Variants in CALD1 observed in about 807,000 individuals in gnomAD.
The protein encoded by CALD1 is caldesmon.
A neutral mutation model predicts 99.9 loss-of-function variants in CALD1; 33 were observed. That is an observed-to-expected ratio of 0.33 (90% CI 0.25 to 0.44). The LOEUF (loss-of-function observed/expected upper bound fraction) is 0.44. CALD1 is among the 20% of genes least tolerant of loss of function. The pLI is 1.00. For synonymous variants in CALD1, 310 were observed against 325.0 expected (o/e 0.95, Z 0.50); for missense variants, 861 against 962.1 (o/e 0.89, Z 1.39).
At chr7:134,762,160 A>C (rs1356436182) in intron 1 of CALD1, among the ~76,000 whole-genome samples, 3 of 152,252 alleles carry the variant, frequency 2.0e-5, no homozygotes, top group Non-Finnish European at 4.4e-5. Context: ...GCATTGAGGA[A>C]GAAGGCTGGT....
chr7:134,770,698 C>T (rs10237194), intron 1 of CALD1, among the ~76,000 whole-genome samples: 205 of 152,228 alleles, frequency 1.3e-3, no homozygotes, highest in African/African-American at 4.8e-3. Flanking sequence ...ACCCTATTTC[C>T]AAATAAGGTC....
the CALD1 span, chr7:134,735,021 C>T: frequency 4.0e-6 from 1 of 251,672 alleles, no homozygotes; most frequent in East Asian, 9.9e-5. Context: ...TGAACTCCAT[C>T]TCGTCCATGC....
intron 3 of CALD1, chr7:134,920,482 T>G (rs766177833): frequency 4.6e-4 from 511 of 1,106,792 alleles, no homozygotes; most frequent in Non-Finnish European, 5.4e-4. Context: ...AGTCATCCTT[T>G]TTTGAGGCTG....
chr7:134,947,561 A>G lies in CALD1; in HGVS notation c.1586A>G (p.Gln529Arg). Residue 529 changes from glutamine (Q) to arginine (R), a missense_variant, in exon 8 of 15, where the codon CAG (glutamine) becomes CGG (arginine). Gln to Arg is a conservative substitution (Grantham distance 43). This residue lies in a region of CALD1 where 293 missense variants were observed against 262.7 expected (regional missense o/e 1.12). Coordinates refer to ENST00000361675, the MANE Select transcript of CALD1 (RefSeq NM_033138.4). ...ACCAAGGAGGCTGAGGGCGCCCCCC[A>G]GGTGGAAGCCGGCAAAAGGCTGGAG... The part of the protein sequence containing the change: ...VDTKEAEGAP[Q>R]VEAGKRLEEL... The G allele has an allele frequency of 6.4e-7, 1 of 1,562,956 alleles. No homozygotes were observed. Among genetic ancestry groups the G allele is most frequent in the Non-Finnish European group, 8.7e-7 (1 of 1,153,246 alleles).
chr7:134,919,012 T>A (rs1804424451), intron 3 of CALD1, among the ~76,000 whole-genome samples: 1 of 152,066 alleles, frequency 6.6e-6, no homozygotes, highest in Non-Finnish European at 1.5e-5. Context: ...AGTAAATAAA[T>A]TAATAATAGT....
intron 3 of CALD1, among the ~76,000 whole-genome samples, chr7:134,868,733 C>T (rs566975557): frequency 1.3e-5 from 2 of 152,302 alleles, no homozygotes; most frequent in South Asian, 4.2e-4. Flanking sequence ...CTATGATGAA[C>T]TGGGCCAGAG....
chr7:134,723,534 CTTTTTTTTTTTTTTT>C, the CALD1 span, among the ~76,000 whole-genome samples: 6 of 87,670 alleles, frequency 6.8e-5, no homozygotes, highest in African/African-American at 1.9e-4. Context: ...GAAAAGGTAA[CTTTTTTTTTTTTTTT>C]TTTTTTTTTT....
At chr7:134,859,267 C>A (rs749460328) in intron 2 of CALD1, among the ~76,000 whole-genome samples, 5 of 152,190 alleles carry the variant, frequency 3.3e-5, no homozygotes, top group Non-Finnish European at 5.9e-5. Context: ...CTCTGTTAGT[C>A]AGGCATACAT....
intron 1 of CALD1, among the ~76,000 whole-genome samples, chr7:134,840,600 A>C (rs749360608): frequency 1.3e-5 from 2 of 152,238 alleles, no homozygotes; most frequent in Non-Finnish European, 2.9e-5. Flanking sequence ...ACTCATCAAC[A>C]ATCTCCTCCA....
the CALD1 span, among the ~76,000 whole-genome samples, chr7:134,730,059 G>A: frequency 2.6e-5 from 4 of 152,152 alleles, no homozygotes; most frequent in African/African-American, 9.7e-5. Flanking sequence ...TGAGGCGGCT[G>A]CTGCCTGGGG....
chr7:134,775,782 C>T (rs190231275), upstream of CALD1, among the ~76,000 whole-genome samples: 68 of 152,026 alleles, frequency 4.5e-4, no homozygotes, highest in African/African-American at 1.4e-3. Context: ...TTACAACTTT[C>T]AGGTTTTTCA....
chr7:134,832,516 T>C (rs1026323921), intron 1 of CALD1, among the ~76,000 whole-genome samples: 2 of 152,232 alleles, frequency 1.3e-5, no homozygotes, highest in African/African-American at 4.8e-5. Context: ...CTGTGGGGTA[T>C]AAAGTTGTGT....
intron 1 of CALD1, among the ~76,000 whole-genome samples, chr7:134,817,466 T>G (rs1798605537): frequency 1.3e-5 from 2 of 152,294 alleles, no homozygotes; most frequent in South Asian, 4.1e-4. Flanking sequence ...AAATTGACAT[T>G]CGTGTGATTC....
At chr7:134,881,186 A>T (rs1256459446) in intron 3 of CALD1, among the ~76,000 whole-genome samples, 1 of 152,154 alleles carries the variant, frequency 6.6e-6, no homozygotes, top group African/African-American at 2.4e-5. Flanking sequence ...ACGTTCTCTG[A>T]AAGGGGGTTG....
chr7:134,796,968 G>A (rs550447816), intron 1 of CALD1, among the ~76,000 whole-genome samples: 86 of 152,256 alleles, frequency 5.6e-4, no homozygotes, highest in Non-Finnish European at 1.5e-5. Flanking sequence ...AGGGAGGATT[G>A]AGACAGACTG....
intron 1 of CALD1, among the ~76,000 whole-genome samples, chr7:134,821,215 A>G (rs2132002366): frequency 6.6e-6 from 1 of 152,278 alleles, no homozygotes; most frequent in South Asian, 2.1e-4. Flanking sequence ...GCTTTATAGT[A>G]GGGATTCAGA....
intron 3 of CALD1, among the ~76,000 whole-genome samples, chr7:134,871,717 C>T (rs1194226977): frequency 6.6e-6 from 1 of 152,070 alleles, no homozygotes; most frequent in Non-Finnish European, 1.5e-5. Context: ...CCCATAAAAG[C>T]TTTTCAAATA....
chr7:134,845,184 GA>G (rs759739273), intron 2 of CALD1, among the ~76,000 whole-genome samples: 5 of 152,096 alleles, frequency 3.3e-5, no homozygotes, highest in Non-Finnish European at 7.4e-5. Flanking sequence ...ATTTCCCTAT[GA>G]CATTCTATAA....
At chr7:134,787,788 A>G in intron 1 of CALD1, among the ~76,000 whole-genome samples, 1 of 152,204 alleles carries the variant, frequency 6.6e-6, no homozygotes. Context: ...CATGGATTAT[A>G]TTCACTAAAG....
Sources: gnomAD v4.1 joint callset for allele counts (sites outside exome capture counted in the v4.1 genomes callset) on GRCh38, gnomAD v4.1.1 for gene constraint, gnomAD v4.1.1 regional missense constraint, MANE v1.5 for transcripts, NCBI Gene and HGNC (gene_info 2026-07-23, HGNC 2026-07-21) for gene names.